Variants in PTPRD observed in about 807,000 individuals in gnomAD.
PTPRD encodes receptor-type tyrosine-protein phosphatase delta.
In PTPRD, 34 loss-of-function variants were observed where a neutral mutation model predicts 214.5. The ratio of observed to expected loss-of-function variants is 0.16; its 90% CI spans 0.12 to 0.21. The LOEUF is 0.21. PTPRD is among the 10% of genes least tolerant of loss of function. The pLI, the probability that PTPRD is intolerant of heterozygous loss-of-function variation, is 1.00. For missense variants in PTPRD, 2,545 were observed against 2,398.7 expected (o/e 1.06, Z -1.27); for synonymous variants, 1,128 against 845.7 (o/e 1.33, Z -5.79).
At chr9:9,267,875 C>G (rs768654119) in intron 9 of PTPRD, among the ~76,000 whole-genome samples, 4 of 150,850 alleles carry the variant, frequency 2.7e-5, no homozygotes, top group Non-Finnish European at 5.9e-5. Context: ...AAGGAATATA[C>G]TTCAACATTA....
chr9:9,541,732 G>T (rs905283600), intron 8 of PTPRD, among the ~76,000 whole-genome samples: 1 of 151,824 alleles, frequency 6.6e-6, no homozygotes, highest in African/African-American at 2.4e-5. Context: ...CAGAATAGAA[G>T]AGCTAAGAAT....
chr9:10,010,375 C>A (rs1309313164), intron 4 of PTPRD, among the ~76,000 whole-genome samples: 1 of 151,730 alleles, frequency 6.6e-6, no homozygotes, highest in East Asian at 1.9e-4. Flanking sequence ...GTTTGCCTCT[C>A]AGATTTTCAG....
intron 44 of PTPRD, among the ~76,000 whole-genome samples, chr9:8,330,856 C>CATAAAAAGATT: frequency 6.7e-6 from 1 of 149,882 alleles, no homozygotes; most frequent in South Asian, 2.1e-4. Flanking sequence ...AGAGTTTCAC[C>CATAAAAAGATT]ATAAAAAGAT....
At chr9:9,787,495 T>G (rs916928137) in intron 5 of PTPRD, among the ~76,000 whole-genome samples, 6 of 151,754 alleles carry the variant, frequency 4.0e-5, no homozygotes, top group Middle Eastern at 3.4e-3. Context: ...GTCAATTTTC[T>G]TTTGTCACAG....
At chr9:8,355,312 C>A (rs1363713811) in intron 39 of PTPRD, among the ~76,000 whole-genome samples, 2 of 152,122 alleles carry the variant, frequency 1.3e-5, no homozygotes, top group African/African-American at 4.8e-5. Flanking sequence ...GTACTGCCTG[C>A]CAGAACAGGT....
Position 8,421,275 on chromosome 9 carries a change from C to T in PTPRD, c.4086+15317G>A, listed in dbSNP as rs542198598. ...CAACCTCCTCCCTCTTTCTCTCATTCCTTCCTTCTCTCCCTCTCTCTTCTT... is the reference window on the plus strand; with the variant it reads ...CAACCTCCTCCCTCTTTCTCTCATTTCTTCCTTCTCTCCCTCTCTCTTCTT... On this transcript the variant is annotated intron_variant, in intron 35 of 45. Coordinates refer to ENST00000381196, the MANE Select transcript of PTPRD (RefSeq NM_002839.4). Among the ~76,000 whole-genome samples, 6 of 152,102 alleles carry T rather than the reference C, an allele frequency of 3.9e-5. No individual in the cohort carries two copies. The East Asian group carries it at 1.2e-3, about 29-fold the overall frequency.
At chr9:8,898,034 C>A (rs1028701293) in intron 11 of PTPRD, among the ~76,000 whole-genome samples, 1 of 152,096 alleles carries the variant, frequency 6.6e-6, no homozygotes, top group African/African-American at 2.4e-5. Context: ...ATATGGTCAC[C>A]ATTAACCTTC....
intron 11 of PTPRD, among the ~76,000 whole-genome samples, chr9:9,010,966 T>G (rs1386773092): frequency 3.3e-5 from 5 of 152,228 alleles, no homozygotes; most frequent in African/African-American, 9.6e-5. Context: ...TTTTAATGAT[T>G]AATATTGATT....
intron 10 of PTPRD, among the ~76,000 whole-genome samples, chr9:9,048,637 G>A (rs1369580649): frequency 6.6e-6 from 1 of 152,130 alleles, no homozygotes; most frequent in Non-Finnish European, 1.5e-5. Context: ...GAGAGTAGAA[G>A]AATGGTTACC....
At chr9:8,594,219 A>G (rs1267412983) in intron 14 of PTPRD, among the ~76,000 whole-genome samples, 1 of 152,154 alleles carries the variant, frequency 6.6e-6, no homozygotes, top group Non-Finnish European at 1.5e-5. Context: ...ATTACTTTAA[A>G]TGTTTTATCC....
At chr9:8,886,029 GT>G (rs915690500) in intron 11 of PTPRD, among the ~76,000 whole-genome samples, 2 of 152,036 alleles carry the variant, frequency 1.3e-5, no homozygotes, top group African/African-American at 4.8e-5. Flanking sequence ...CACCTTTATG[GT>G]TTTTAGTAAT....
intron 8 of PTPRD, among the ~76,000 whole-genome samples, chr9:9,573,027 G>C (rs1414473077): frequency 6.6e-6 from 1 of 151,478 alleles, no homozygotes; most frequent in African/African-American, 2.4e-5. Context: ...ACATACATGT[G>C]TTCTCCAAAA....
chr9:9,334,939 C>A (rs1310546024), intron 9 of PTPRD, among the ~76,000 whole-genome samples: 1 of 151,688 alleles, frequency 6.6e-6, no homozygotes, highest in Non-Finnish European at 1.5e-5. Context: ...TAAAAAAAAC[C>A]TTATGAAGGT....
At chr9:8,630,863 T>C (rs923656969) in intron 14 of PTPRD, among the ~76,000 whole-genome samples, 17 of 151,880 alleles carry the variant, frequency 1.1e-4, no homozygotes, top group Non-Finnish European at 1.9e-4. Flanking sequence ...AATGTCTTCA[T>C]TGGATGCATA....
At chr9:10,208,383 G>T (rs1320571403) in intron 3 of PTPRD, among the ~76,000 whole-genome samples, 1 of 152,060 alleles carries the variant, frequency 6.6e-6, no homozygotes, top group African/African-American at 2.4e-5. Context: ...GCGTGGTGGC[G>T]GGCGCCTGTA....
chr9:10,349,236 T>C (rs553185926), intron 2 of PTPRD, among the ~76,000 whole-genome samples: 2 of 117,214 alleles, frequency 1.7e-5, no homozygotes, highest in South Asian at 3.1e-4. Flanking sequence ...GGGAAAGTCA[T>C]AGACCTGTCT....
At chr9:8,707,877 T>A (rs1450185119) in intron 12 of PTPRD, among the ~76,000 whole-genome samples, 1 of 152,238 alleles carries the variant, frequency 6.6e-6, no homozygotes, top group East Asian at 1.9e-4. Flanking sequence ...TTACCTATAC[T>A]GGTTGTGTAT....
intron 10 of PTPRD, among the ~76,000 whole-genome samples, chr9:9,081,151 T>C (rs1309564007): frequency 6.6e-6 from 1 of 152,158 alleles, no homozygotes; most frequent in Non-Finnish European, 1.5e-5. Context: ...AATTTCCCTC[T>C]AAACACTGCT....
chr9:10,176,632 A>T (rs1293918019), intron 3 of PTPRD, among the ~76,000 whole-genome samples: 1 of 151,952 alleles, frequency 6.6e-6, no homozygotes, highest in Non-Finnish European at 1.5e-5. Context: ...TCATACAAAT[A>T]ATTATCTCTC....
Sources: allele counts gnomAD v4.1 joint callset (sites outside exome capture counted in the v4.1 genomes callset), GRCh38; gene constraint gnomAD v4.1.1; transcripts MANE v1.5; gene names NCBI Gene and HGNC (gene_info 2026-07-23, HGNC 2026-07-21).